GTF2IRD1: variants seen among roughly 807,000 people sequenced by gnomAD.
The protein encoded by GTF2IRD1 is GTF2I repeat domain containing 1.
GTF2IRD1 carries 26 observed loss-of-function variants against 113.2 expected under a neutral mutation model. The observed-to-expected ratio is 0.23, with a 90% CI of 0.17 to 0.32. The LOEUF (loss-of-function observed/expected upper bound fraction) is 0.32. Ranked by LOEUF, GTF2IRD1 falls within the 10% of genes least tolerant of loss-of-function variation. The pLI, the probability that GTF2IRD1 is intolerant of heterozygous loss-of-function variation, is 1.00. For missense variants in GTF2IRD1, 864 were observed against 1,280.8 expected (o/e 0.67, Z 4.97); for synonymous variants, 484 against 529.1 (o/e 0.91, Z 1.17).
chr7:74,568,423 C>T (rs1554361444), intron 22 of GTF2IRD1, among the ~76,000 whole-genome samples: 1 of 151,226 alleles, frequency 6.6e-6, no homozygotes. Context: ...CCCAGGCGGG[C>T]AGATCACAAG....
At chr7:74,566,594 G>A (rs1402794990) in intron 22 of GTF2IRD1, among the ~76,000 whole-genome samples, 2 of 152,066 alleles carry the variant, frequency 1.3e-5, no homozygotes, top group East Asian at 1.9e-4. Context: ...CACCCGCCTC[G>A]GCTTCCCAAA....
At chr7:74,551,212 G>A (rs587659652) in intron 17 of GTF2IRD1, among the ~76,000 whole-genome samples, 62 of 152,192 alleles carry the variant, frequency 4.1e-4, no homozygotes, top group African/African-American at 1.4e-3. Context: ...GCGTGGTGGT[G>A]CACACCTGTA....
chr7:74,588,193 C>T (rs587617301), intron 22 of GTF2IRD1, among the ~76,000 whole-genome samples: 13 of 151,328 alleles, frequency 8.6e-5, no homozygotes, highest in Non-Finnish European at 1.0e-4. Flanking sequence ...CTGCAACCTC[C>T]GCCTCCTGGG....
chr7:74,485,771 A>T (rs782393454), intron 1 of GTF2IRD1, among the ~76,000 whole-genome samples: 8 of 151,978 alleles, frequency 5.3e-5, no homozygotes, highest in East Asian at 2.0e-4. Context: ...AAAATTTTTT[A>T]AAAAATTAGC....
At chr7:74,505,570 G>A (rs1487212687) in intron 1 of GTF2IRD1, among the ~76,000 whole-genome samples, 5 of 152,214 alleles carry the variant, frequency 3.3e-5, no homozygotes, top group East Asian at 1.9e-4. Flanking sequence ...GGAAGGAGCC[G>A]GCCGCTGTCT....
chr7:74,517,214 G>C (rs587752211), intron 4 of GTF2IRD1, among the ~76,000 whole-genome samples: 1 of 151,818 alleles, frequency 6.6e-6, no homozygotes, highest in East Asian at 1.9e-4. Flanking sequence ...AGTAGAGACG[G>C]GGTTTCACCA....
chr7:74,528,266 A>G (rs1554347652), intron 8 of GTF2IRD1, among the ~76,000 whole-genome samples: 1 of 152,206 alleles, frequency 6.6e-6, no homozygotes, highest in African/African-American at 2.4e-5. Flanking sequence ...GCTGGAGTGT[A>G]GTGGTGCAAT....
At position 74,512,715 on chromosome 7, in the gene GTF2IRD1, AGCTGCT is replaced by A; in HGVS notation, c.124-110_124-105del. ...CAGTAGAGGGGCCGTCTGTCCCTGGAGCTGCTGCTGGGGTCTCAGGCAGCTGGGAGC... is the reference window on the plus strand; with the variant it reads ...CAGTAGAGGGGCCGTCTGTCCCTGGAGCTGGGGTCTCAGGCAGCTGGGAGC... On this transcript the variant is annotated intron_variant, in intron 2 of 26. Coordinates refer to ENST00000424337, the MANE Select transcript of GTF2IRD1 (RefSeq NM_005685.4). The surrounding 1 kb of genome is among the most constrained non-coding windows in gnomAD (Gnocchi z 4.4). The A allele has an allele frequency of 1.1e-6, 1 of 903,354 alleles. No individual in the cohort carries two copies. The highest frequency in any genetic ancestry group is 1.7e-6 in the Non-Finnish European group (1 of 588,862). 56.0% of individuals were successfully genotyped at this position (903,354 alleles called of 1,614,324 possible). A position where few individuals can be genotyped will look rare whatever the true frequency, so the allele number is the denominator to read the frequency against.
intron 8 of GTF2IRD1, among the ~76,000 whole-genome samples, chr7:74,527,288 A>C (rs1276832743): frequency 6.6e-6 from 1 of 152,192 alleles, no homozygotes; most frequent in Non-Finnish European, 1.5e-5. Context: ...CAGGAGTTCA[A>C]GATCAGTCTG....
chr7:74,523,972 CG>C, intron 7 of GTF2IRD1, 98 bp from the exon 8 acceptor site: 1 of 800,912 alleles, frequency 1.2e-6, no homozygotes, highest in Admixed American at 2.0e-5. Context: ...GGGCCGGCCT[CG>C]GGGGCTCTGG....
At chr7:74,569,243 A>G (rs1165233485) in intron 22 of GTF2IRD1, among the ~76,000 whole-genome samples, 1 of 152,168 alleles carries the variant, frequency 6.6e-6, no homozygotes. Context: ...CCCTCCTCCC[A>G]TCCCGCACGT....
intron 1 of GTF2IRD1, among the ~76,000 whole-genome samples, chr7:74,495,292 C>A (rs1795590562): frequency 6.6e-6 from 1 of 152,190 alleles, no homozygotes; most frequent in Non-Finnish European, 1.5e-5. Context: ...AGTCTCAGAG[C>A]ATTTCCCGCT....
In GTF2IRD1 at chr7:74,602,539, G is replaced by T; in HGVS notation, c.*106G>T. 7.5e-6 allele frequency: 6 copies of T among 805,258 alleles called. No homozygotes were observed. The highest frequency in any genetic ancestry group is 1.2e-5 in the Non-Finnish European group (6 of 516,578). The allele number at this position is 805,258 out of a possible 1,614,324, so 49.9% of individuals were successfully genotyped here. On this transcript the variant is annotated 3_prime_UTR_variant, in exon 27 of 27. Coordinates refer to ENST00000424337, the MANE Select transcript of GTF2IRD1 (RefSeq NM_005685.4). ...ATCGATGCCTTTTAGTTTTTCCAAT[G>T]ATTTTTACACTATATTCCTGCCACC...
intron 1 of GTF2IRD1, among the ~76,000 whole-genome samples, chr7:74,495,665 G>T (rs974614764): frequency 6.6e-6 from 1 of 152,176 alleles, no homozygotes. Flanking sequence ...GGCTGAGGGA[G>T]CCCAACCGAG....
At chr7:74,511,027 T>C (rs965003563) in intron 2 of GTF2IRD1, among the ~76,000 whole-genome samples, 2 of 150,270 alleles carry the variant, frequency 1.3e-5, no homozygotes, top group African/African-American at 4.9e-5. Flanking sequence ...CCAGCCTAGG[T>C]GACAGAGCAA....
intron 1 of GTF2IRD1, among the ~76,000 whole-genome samples, chr7:74,468,479 G>T (rs891943988): frequency 1.3e-5 from 2 of 151,618 alleles, no homozygotes; most frequent in Non-Finnish European, 2.9e-5. Context: ...CCAACATGGT[G>T]AAACCCCATC....
chr7:74,491,875 T>TAAGACAGAA, intron 1 of GTF2IRD1, among the ~76,000 whole-genome samples: 1 of 152,226 alleles, frequency 6.6e-6, no homozygotes, highest in South Asian at 2.1e-4. Flanking sequence ...ATGGTATTTC[T>TAAGACAGAA]GTCTTTAGGT....
At chr7:74,524,320 G>A (rs1320916067) in intron 8 of GTF2IRD1, among the ~76,000 whole-genome samples, 166 bp downstream of exon 8, 2 of 152,176 alleles carry the variant, frequency 1.3e-5, no homozygotes, top group African/African-American at 4.8e-5. Flanking sequence ...GTCTGGGTAG[G>A]GGGTGGTTGT....
chr7:74,541,355 G>T (rs587621648), intron 14 of GTF2IRD1, among the ~76,000 whole-genome samples: 6 of 152,090 alleles, frequency 3.9e-5, no homozygotes, highest in Admixed American at 2.6e-4. Flanking sequence ...GACTGACACA[G>T]TGTCTCACAG....
Sources: allele counts gnomAD v4.1 joint callset (sites outside exome capture counted in the v4.1 genomes callset), GRCh38; gene constraint gnomAD v4.1.1; non-coding constraint Gnocchi (gnomAD v3.1); transcripts MANE v1.5; gene names NCBI Gene and HGNC (gene_info 2026-07-23, HGNC 2026-07-21).